The following RUNX1T1 variants were observed in gnomAD, a reference collection of about 807,000 sequenced individuals.
The protein encoded by RUNX1T1 is RUNX1 partner transcriptional co-repressor 1, also known as protein CBFA2T1.
Under a neutral mutation model 62.8 loss-of-function variants are expected in RUNX1T1, and 4 were observed. That is an observed-to-expected ratio of 0.06 (90% confidence interval 0.03 to 0.15). The LOEUF (loss-of-function observed/expected upper bound fraction) is 0.15. RUNX1T1 is among the 10% of genes least tolerant of loss of function. The pLI, the probability that RUNX1T1 is intolerant of heterozygous loss-of-function variation, is 1.00. For missense variants in RUNX1T1, 508 were observed against 754.3 expected, an observed-to-expected ratio of 0.67 and a Z score of 3.82; for synonymous variants, 291 against 286.0, an observed-to-expected ratio of 1.02 and a Z score of -0.18.
chr8:92,070,841 C>A (rs1054840785), intron 2 of RUNX1T1, among the ~76,000 whole-genome samples: 2 of 152,198 alleles, frequency 1.3e-5, no homozygotes, highest in African/African-American at 4.8e-5. Flanking sequence ...ATGACAGAAT[C>A]CTAATGAAGT....
intron 1 of RUNX1T1, among the ~76,000 whole-genome samples, chr8:92,086,131 C>T (rs1836076684): frequency 6.6e-6 from 1 of 152,184 alleles, no homozygotes; most frequent in East Asian, 1.9e-4. Flanking sequence ...AATAACCAAG[C>T]TCCCTCTTCC....
intron 1 of RUNX1T1, among the ~76,000 whole-genome samples, chr8:92,062,140 A>C (rs1298862108): frequency 6.6e-6 from 1 of 152,204 alleles, no homozygotes; most frequent in Non-Finnish European, 1.5e-5. Context: ...ATCTTATTCC[A>C]GGATTCTGCC....
intron 1 of RUNX1T1, among the ~76,000 whole-genome samples, chr8:92,052,794 C>T (rs1830432649): frequency 6.6e-6 from 1 of 152,010 alleles, no homozygotes; most frequent in Non-Finnish European, 1.5e-5. Context: ...ACTGTTGGTC[C>T]CCTTGACCCC....
At chr8:91,986,247 G>C in exon 8 of RUNX1T1, 1 of 1,613,700 alleles carries the variant, frequency 6.2e-7, no homozygotes, top group Non-Finnish European at 8.5e-7. Context: ...AATTCTTCCC[G>C]GTCTGCTTCT....
intron 1 of RUNX1T1, among the ~76,000 whole-genome samples, chr8:92,051,375 C>T (rs780991333): frequency 4.0e-5 from 6 of 151,856 alleles, no homozygotes; most frequent in Non-Finnish European, 7.4e-5. Flanking sequence ...TTCCACAAGG[C>T]AAAATGTTTT....
intron 9 of RUNX1T1, chr8:91,971,059 G>A (rs1466823801): frequency 2.4e-6 from 1 of 414,960 alleles, no homozygotes; most frequent in East Asian, 3.5e-5. Flanking sequence ...TTACTTTTTT[G>A]TAGAATTCTA....
At chr8:92,095,536 A>AT in intron 1 of RUNX1T1, 1 of 1,485,806 alleles carries the variant, frequency 6.7e-7, no homozygotes, top group East Asian at 2.5e-5. Context: ...GGTGATTACA[A>AT]TATCAGCAGG....
At chr8:92,030,316 C>T (rs1026248858) in intron 1 of RUNX1T1, among the ~76,000 whole-genome samples, 2 of 152,130 alleles carry the variant, frequency 1.3e-5, no homozygotes, top group African/African-American at 4.8e-5. Context: ...AGAGTAGTGT[C>T]CCATAAGGAA....
chr8:92,021,977 C>A (rs868322599), intron 1 of RUNX1T1, among the ~76,000 whole-genome samples: 1 of 151,112 alleles, frequency 6.6e-6, no homozygotes. Flanking sequence ...CAGCTTCCCT[C>A]AACTGCCCCG....
intron 1 of RUNX1T1, among the ~76,000 whole-genome samples, chr8:92,028,922 T>C (rs1209481352): frequency 6.6e-6 from 1 of 152,174 alleles, no homozygotes; most frequent in Non-Finnish European, 1.5e-5. Flanking sequence ...CCTTTTATCA[T>C]CTAAAGAACT....
At chr8:92,024,497 C>CAAAAAAAAAAAAAAA (rs34547904) in intron 1 of RUNX1T1, among the ~76,000 whole-genome samples, 1 of 17,546 alleles carries the variant, frequency 5.7e-5, no homozygotes, top group African/African-American at 1.8e-4. Flanking sequence ...AACCCCAACT[C>CAAAAAAAAAAAAAAA]AAAAAAAAAA....
At chr8:92,102,663 A>C (rs967832995), upstream of RUNX1T1, among the ~76,000 whole-genome samples, 1 of 152,214 alleles carries the variant, frequency 6.6e-6, no homozygotes, top group Non-Finnish European at 1.5e-5. The surrounding 1 kb of genome is among the most constrained non-coding windows in gnomAD (Gnocchi z 4.5). Context: ...GTGTCATCGC[A>C]GACCGGAGTC....
exon 11 of RUNX1T1, chr8:91,960,344 C>T (rs1187923234): frequency 1.1e-5 from 17 of 1,613,534 alleles, no homozygotes; most frequent in South Asian, 6.6e-5. Flanking sequence ...CGCTGTTGGG[C>T]GTGACAGAGG....
intron 1 of RUNX1T1, among the ~76,000 whole-genome samples, chr8:92,021,721 C>A (rs545032234): frequency 6.6e-6 from 1 of 151,938 alleles, no homozygotes; most frequent in East Asian, 1.9e-4. Flanking sequence ...TGAGATTGCA[C>A]GTTTTAAACC....
At chr8:92,044,804 A>C (rs1438027883) in intron 1 of RUNX1T1, among the ~76,000 whole-genome samples, 1 of 152,208 alleles carries the variant, frequency 6.6e-6, no homozygotes, top group Non-Finnish European at 1.5e-5. Context: ...AATCATACCT[A>C]GTTTTGTTTG....
upstream of RUNX1T1, among the ~76,000 whole-genome samples, chr8:92,101,858 G>A (rs183856930): frequency 0.016 from 2,381 of 152,294 alleles, 26 homozygotes; most frequent in Non-Finnish European, 0.02. Context: ...AAGAGGTCTG[G>A]GTGCGCCAAC....
intron 3 of RUNX1T1, among the ~76,000 whole-genome samples, chr8:92,014,201 C>A (rs369520100): frequency 6.6e-6 from 1 of 152,006 alleles, no homozygotes; most frequent in African/African-American, 2.4e-5. Context: ...CTCAACATAA[C>A]AAAACCATTT....
At chr8:91,961,000 T>C (rs1170869622) in intron 10 of RUNX1T1, among the ~76,000 whole-genome samples, 1 of 152,030 alleles carries the variant, frequency 6.6e-6, no homozygotes, top group Non-Finnish European at 1.5e-5. Flanking sequence ...TATAATAGAG[T>C]AGATAAGGGA....
chr8:92,022,215 ATAT>A (rs1824250262), intron 1 of RUNX1T1, among the ~76,000 whole-genome samples: 1 of 152,066 alleles, frequency 6.6e-6, no homozygotes, highest in Non-Finnish European at 1.5e-5. Flanking sequence ...TCCATTCCCT[ATAT>A]TATTATCCGT....
Sources: gnomAD v4.1 joint callset for allele counts (sites outside exome capture counted in the v4.1 genomes callset) on GRCh38, gnomAD v4.1.1 for gene constraint, Gnocchi (gnomAD v3.1) non-coding constraint, MANE v1.5 for transcripts, NCBI Gene and HGNC (gene_info 2026-07-23, HGNC 2026-07-21) for gene names.